NBAS: variants seen among roughly 807,000 people sequenced by gnomAD.
NBAS encodes NBAS subunit of NRZ tethering complex.
In NBAS, 219 loss-of-function variants were observed where a neutral mutation model predicts 302.5. That is an observed-to-expected ratio of 0.72 (90% CI 0.65 to 0.81). The LOEUF (loss-of-function observed/expected upper bound fraction) is 0.81. Ranked by LOEUF, NBAS falls within the 30% of genes least tolerant of loss-of-function variation. The pLI is 0.00. For missense variants in NBAS, 2,932 were observed against 2,841.6 expected (o/e 1.03, Z -0.72); for synonymous variants, 1,118 against 1,021.6 (o/e 1.09, Z -1.80).
chr2:15,508,860 G>A (rs796375815), intron 10 of NBAS, among the ~76,000 whole-genome samples: 42 of 152,116 alleles, frequency 2.8e-4, no homozygotes, highest in African/African-American at 9.9e-4. Context: ...AAAATTAGCC[G>A]GGCATGATGG....
the NBAS span, among the ~76,000 whole-genome samples, chr2:15,114,288 G>C: frequency 6.6e-6 from 1 of 152,098 alleles, no homozygotes; most frequent in South Asian, 2.1e-4. Flanking sequence ...GGCAGGATTG[G>C]TTTCCCCAGA....
At chr2:14,835,318 T>G in the NBAS span, among the ~76,000 whole-genome samples, 3 of 151,982 alleles carry the variant, frequency 2.0e-5, no homozygotes, top group Non-Finnish European at 4.4e-5. Context: ...AATATATTTG[T>G]GAAATATAAA....
chr2:14,782,514 C>A, the NBAS span, among the ~76,000 whole-genome samples: 1 of 152,090 alleles, frequency 6.6e-6, no homozygotes, highest in Non-Finnish European at 1.5e-5. Flanking sequence ...GGTGGGAGTG[C>A]AAATTAGTTC....
chr2:15,175,589 T>C (rs148968409), intron 51 of NBAS, among the ~76,000 whole-genome samples: 5 of 152,312 alleles, frequency 3.3e-5, no homozygotes, highest in Non-Finnish European at 7.4e-5. Flanking sequence ...CTCTCAATTT[T>C]ACTGAGAGTG....
the NBAS span, among the ~76,000 whole-genome samples, chr2:14,933,445 T>C: frequency 6.6e-6 from 1 of 152,184 alleles, no homozygotes; most frequent in Non-Finnish European, 1.5e-5. Flanking sequence ...AAATGATGAA[T>C]GTTCTGGGGC....
the NBAS span, among the ~76,000 whole-genome samples, chr2:14,798,768 T>G: frequency 2.9e-4 from 44 of 152,084 alleles, no homozygotes; most frequent in Non-Finnish European, 1.5e-5. Flanking sequence ...TATGGCTACT[T>G]AGGTTATCTA....
chr2:14,982,730 C>G, the NBAS span, among the ~76,000 whole-genome samples: 1 of 152,000 alleles, frequency 6.6e-6, no homozygotes, highest in African/African-American at 2.4e-5. Flanking sequence ...GTATTTGCCC[C>G]AGGAAAATAA....
intron 28 of NBAS, among the ~76,000 whole-genome samples, chr2:15,387,143 T>C (rs1015659446): frequency 6.6e-5 from 10 of 151,186 alleles, no homozygotes; most frequent in African/African-American, 2.2e-4. Context: ...TCTCAGCTCA[T>C]TGCAAGCTCT....
At chr2:15,266,110 G>A (rs1195761188) in intron 44 of NBAS, among the ~76,000 whole-genome samples, 1 of 152,146 alleles carries the variant, frequency 6.6e-6, no homozygotes, top group African/African-American at 2.4e-5. Flanking sequence ...TTTAGAAGGG[G>A]CTTCCCCCTT....
chr2:15,361,079 G>A (rs1673897210), intron 32 of NBAS, among the ~76,000 whole-genome samples: 2 of 152,256 alleles, frequency 1.3e-5, no homozygotes, highest in South Asian at 4.1e-4. Flanking sequence ...TGAATAACGT[G>A]TTATAACGGC....
chr2:15,448,126 T>C (rs1055880732), intron 21 of NBAS, among the ~76,000 whole-genome samples: 4 of 152,218 alleles, frequency 2.6e-5, no homozygotes, highest in Admixed American at 6.5e-5. Context: ...AGTTTCAACA[T>C]GAATTTTGGA....
the NBAS span, among the ~76,000 whole-genome samples, chr2:15,052,118 C>T: frequency 6.6e-6 from 1 of 152,198 alleles, no homozygotes; most frequent in Non-Finnish European, 1.5e-5. Flanking sequence ...TCAACATAGA[C>T]AGTGACACTT....
the NBAS span, among the ~76,000 whole-genome samples, chr2:14,814,854 G>T: frequency 6.6e-6 from 1 of 152,150 alleles, no homozygotes; most frequent in Non-Finnish European, 1.5e-5. Flanking sequence ...GACCTTGAGT[G>T]TTGCAGGTGG....
chr2:14,789,180 T>C, the NBAS span, among the ~76,000 whole-genome samples: 3 of 152,160 alleles, frequency 2.0e-5, no homozygotes, highest in Non-Finnish European at 4.4e-5. Context: ...TTTAAGCCTG[T>C]AGGAAAAGCG....
chr2:14,974,103 T>C, the NBAS span, among the ~76,000 whole-genome samples: 1 of 152,220 alleles, frequency 6.6e-6, no homozygotes, highest in Admixed American at 6.5e-5. Flanking sequence ...CTCCCACAAC[T>C]GATTTATTTA....
intron 12 of NBAS, among the ~76,000 whole-genome samples, chr2:15,483,829 C>T (rs1481804533): frequency 1.3e-5 from 2 of 152,196 alleles, no homozygotes; most frequent in Non-Finnish European, 2.9e-5. Context: ...AGGTTTAAGG[C>T]TGTGCAGGGT....
the NBAS span, among the ~76,000 whole-genome samples, chr2:14,822,777 G>A: frequency 6.6e-6 from 1 of 152,206 alleles, no homozygotes; most frequent in Non-Finnish European, 1.5e-5. Flanking sequence ...ATTGTAGTTT[G>A]TTGTTGTTTG....
intron 21 of NBAS, among the ~76,000 whole-genome samples, chr2:15,437,608 T>C (rs187127551): frequency 6.6e-6 from 1 of 152,290 alleles, no homozygotes; most frequent in Non-Finnish European, 1.5e-5. Context: ...CACTTTAGTG[T>C]TGATGAGGTT....
the NBAS span, among the ~76,000 whole-genome samples, chr2:14,985,558 A>G: frequency 4.6e-5 from 7 of 152,330 alleles, no homozygotes; most frequent in Non-Finnish European, 8.8e-5. Context: ...AAAAATATAA[A>G]TCGTTTCCTC....
Sources: allele counts gnomAD v4.1 joint callset (sites outside exome capture counted in the v4.1 genomes callset), GRCh38; gene constraint gnomAD v4.1.1; transcripts MANE v1.5; gene names NCBI Gene and HGNC (gene_info 2026-07-23, HGNC 2026-07-21).